FZR1: variants seen among roughly 807,000 people sequenced by gnomAD.
FZR1 encodes fizzy-related protein homolog.
A neutral mutation model predicts 63.6 loss-of-function variants in FZR1; 11 were observed. That is an observed-to-expected ratio of 0.17 (90% CI 0.11 to 0.29). The LOEUF is 0.29. Among genes scored for constraint, FZR1 ranks in the 10% least tolerant of loss-of-function variants. FZR1 has a pLI of 1.00. For missense variants in FZR1, 440 were observed against 687.5 expected, an observed-to-expected ratio of 0.64 and a Z score of 4.03; for synonymous variants, 328 against 297.9, an observed-to-expected ratio of 1.10 and a Z score of -1.04.
intron 1 of FZR1, among the ~76,000 whole-genome samples, chr19:3,510,432 C>A (rs962008796): frequency 6.6e-6 from 1 of 152,238 alleles, no homozygotes; most frequent in African/African-American, 2.4e-5. Flanking sequence ...GCATGCCCGG[C>A]CACACTGCTG....
chr19:3,531,155 A>G (rs779978381), intron 8 of FZR1, among the ~76,000 whole-genome samples: 4 of 151,996 alleles, frequency 2.6e-5, no homozygotes, highest in Non-Finnish European at 4.4e-5. Context: ...TCCATTTTCC[A>G]CTCAGGGTCG....
chr19:3,512,179 C>T (rs2083029083), intron 1 of FZR1, among the ~76,000 whole-genome samples: 1 of 152,198 alleles, frequency 6.6e-6, no homozygotes, highest in Non-Finnish European at 1.5e-5. Flanking sequence ...TGCCCAAGGA[C>T]GAAGGAGCAG....
In FZR1 at chr19:3,529,702, G is replaced by GGATGGGAGAGCA. The variant is rs1257397255; in HGVS notation, c.655-1079_655-1078insAGATGGGAGAGC. Among the ~76,000 whole-genome samples the GGATGGGAGAGCA allele has an allele frequency of 2.3e-3, 310 of 136,844 alleles. 7 individuals carry two copies. The highest frequency in any genetic ancestry group is 7.6e-3 in the African/African-American group (294 of 38,698). The allele number at this position is 136,844 out of a possible 152,430, so 89.8% of individuals were successfully genotyped here. ...TGGTTGAGGGAGTGGATGGTTGAGC[G>GGATGGGAGAGCA]GATGGGAGAGCGGATGGGAGAGTGG... On this transcript the variant is annotated intron_variant, in intron 7 of 13. Coordinates refer to ENST00000441788, the MANE Select transcript of FZR1 (RefSeq NM_016263.4).
In FZR1 at chr19:3,525,101, C is replaced by T. The variant is rs891383756; in HGVS notation, c.70-767C>T. ...CAGCAGGAGATGGGGATGAGGGCCA[C>T]ACTCCCAGGTGGCTCTGGGTACAGC... On this transcript the variant is annotated intron_variant, in intron 2 of 13. Coordinates refer to ENST00000441788, the MANE Select transcript of FZR1 (RefSeq NM_016263.4). The surrounding 1 kb of genome is among the most constrained non-coding windows in gnomAD (Gnocchi z 4.2). Among the ~76,000 whole-genome samples the T allele has an allele frequency of 9.2e-5, 14 of 152,186 alleles. No homozygotes were observed. Among genetic ancestry groups the T allele is most frequent in the African/African-American group, 3.4e-4 (14 of 41,446 alleles).
In FZR1 at chr19:3,514,228, C is replaced by G. The variant is rs1312980240; in HGVS notation, c.-35+7754C>G. Among the ~76,000 whole-genome samples, 1 of 152,226 alleles carries G rather than the reference C, an allele frequency of 6.6e-6. No individual in the cohort carries two copies. Among genetic ancestry groups the G allele is most frequent in the Non-Finnish European group, 1.5e-5 (1 of 68,032 alleles). ...GTGCCATTGGCCCCCACAAACAGTG[C>G]CTCATCGGCTCCCTTTCCTCCTCTC... On this transcript the variant is annotated intron_variant, in intron 1 of 13. Coordinates refer to ENST00000441788, the MANE Select transcript of FZR1 (RefSeq NM_016263.4). This position sits in a 1 kb window ranked among gnomAD's most constrained non-coding sequence, Gnocchi z 4.2.
intron 2 of FZR1, among the ~76,000 whole-genome samples, chr19:3,523,722 G>A (rs1408577814): frequency 6.6e-6 from 1 of 152,208 alleles, no homozygotes; most frequent in Admixed American, 6.5e-5. Context: ...CCATTGTCCC[G>A]AGTCCCTCCC....
chr19:3,522,353 C>G (rs1181375408), intron 1 of FZR1, among the ~76,000 whole-genome samples: 1 of 152,210 alleles, frequency 6.6e-6, no homozygotes, highest in East Asian at 1.9e-4. Flanking sequence ...GAGGGGCCTT[C>G]CTGGTTTGGC....
chr19:3,530,776 T>G lies in FZR1; in HGVS notation c.655-16T>G. On this transcript the variant is annotated splice_polypyrimidine_tract_variant and intron_variant, in intron 7 of 13. Coordinates refer to ENST00000441788, the MANE Select transcript of FZR1 (RefSeq NM_016263.4). ...TCGAGACCAGCGGCAAAGCTCACACTGACCTCTGCCTCCAGGTGACGCGGC... is the reference window on the plus strand; with the variant it reads ...TCGAGACCAGCGGCAAAGCTCACACGGACCTCTGCCTCCAGGTGACGCGGC... 1 of 1,609,484 alleles carries G rather than the reference T, an allele frequency of 6.2e-7. No homozygotes were observed. Among genetic ancestry groups the G allele is most frequent in the South Asian group, 1.1e-5 (1 of 90,686 alleles).
At chr19:3,532,192 CGGGG>C in intron 10 of FZR1, 97 bp downstream of exon 10, 1 of 1,187,722 alleles carries the variant, frequency 8.4e-7, no homozygotes, top group Non-Finnish European at 1.1e-6. Context: ...GGCGCGGGCG[CGGGG>C]CCCACTCCAC....
At chr19:3,523,869 C>T (rs902349406) in intron 2 of FZR1, among the ~76,000 whole-genome samples, 6 of 152,200 alleles carry the variant, frequency 3.9e-5, no homozygotes, top group African/African-American at 1.2e-4. Context: ...ACCTTCAAGG[C>T]TTTGTTCAGC....
At chr19:3,507,930 G>A (rs1053916511) in intron 1 of FZR1, among the ~76,000 whole-genome samples, 7 of 152,254 alleles carry the variant, frequency 4.6e-5, no homozygotes, top group African/African-American at 1.2e-4. Context: ...CTTGAGCAGC[G>A]AGCGGAGTTG....
intron 1 of FZR1, among the ~76,000 whole-genome samples, chr19:3,511,711 C>T (rs11672955): frequency 0.15 from 23,152 of 152,086 alleles, 1,884 homozygotes; most frequent in Middle Eastern, 0.22. Flanking sequence ...GAATGAATGA[C>T]GTGCACGGGG....
rs2083051357 is a variant in FZR1 at position 3,515,356 on chromosome 19, C to T, written c.-34-7600C>T. Reference sequence around the variant, plus strand: ...TCTAACCTTTTACGATGAAACCTTCCGAGCATCCAGCAAAGGAGGGAGAAT... The same window carrying T: ...TCTAACCTTTTACGATGAAACCTTCTGAGCATCCAGCAAAGGAGGGAGAAT... On this transcript the variant is annotated intron_variant, in intron 1 of 13. Transcript: ENST00000441788. This position sits in a 1 kb window ranked among gnomAD's most constrained non-coding sequence, Gnocchi z 4.6. Among the ~76,000 whole-genome samples the T allele has an allele frequency of 6.6e-6, 1 of 152,312 alleles. No homozygotes were observed. The highest frequency in any genetic ancestry group is 2.1e-4 in the South Asian group (1 of 4,826).
chr19:3,507,667 T>A (rs72974802), intron 1 of FZR1, among the ~76,000 whole-genome samples: 1,569 of 152,134 alleles, frequency 0.01, 8 homozygotes, highest in Non-Finnish European at 0.015. Flanking sequence ...ACCACCAGCA[T>A]GAGGGCAGCC....
Position 3,526,102 on chromosome 19 carries a change from C to T in FZR1, c.196-18C>T. ...AGCGGGCTCCTCGACCCCTCCCTCT[C>T]TGCTCTCCTGCCTGCAGGAGAATGA... is the stretch of plus-strand genomic sequence containing the variant. On this transcript the variant is annotated intron_variant, in intron 3 of 13. Transcript: ENST00000441788. This position sits in a 1 kb window ranked among gnomAD's most constrained non-coding sequence, Gnocchi z 5.4. 6.2e-7 allele frequency: 1 copy of T among 1,612,572 alleles called. No homozygotes were observed. Among genetic ancestry groups the T allele is most frequent in the South Asian group, 1.1e-5 (1 of 91,088 alleles).
In FZR1 at chr19:3,532,103, C is replaced by CG; in HGVS notation, c.1008+9dup. 4.0e-6 allele frequency: 6 copies of CG among 1,494,724 alleles called. No individual in the cohort carries two copies. The highest frequency in any genetic ancestry group is 5.3e-6 in the Non-Finnish European group (6 of 1,122,606). 92.6% of individuals were successfully genotyped at this position (1,494,724 alleles called of 1,614,324 possible). A position where few individuals can be genotyped will look rare whatever the true frequency, so the allele number is the denominator to read the frequency against. ...GGGGGCAACGACAACAAGGTACCCC[C>CG]GCCCAGAGCCTGGGCTTCCCCTTCA... On this transcript the variant is annotated intron_variant, in intron 10 of 13. Coordinates refer to ENST00000441788, the MANE Select transcript of FZR1 (RefSeq NM_016263.4).
chr19:3,517,856 CT>C (rs763347330), intron 1 of FZR1, among the ~76,000 whole-genome samples: 5,663 of 136,918 alleles, frequency 0.041, 344 homozygotes, highest in African/African-American at 0.13. Flanking sequence ...AAACAAAGTT[CT>C]TTTTTTTTTT....
At position 3,531,775 on chromosome 19, in the gene FZR1, GGAA is replaced by G; in HGVS notation, c.787_789del (p.Lys263del). On this transcript the variant is annotated inframe_deletion, in exon 9 of 14. Transcript: ENST00000441788. ...GTGCAGATCTGGGACGCAGCCGCAG[GGAA>G]GAAGCTGTCCATGTTGGAGGGCCAC... 1 of 1,550,210 alleles carries G rather than the reference GGAA, an allele frequency of 6.5e-7. No individual in the cohort carries two copies.
rs561881190 is a variant in FZR1 at position 3,527,366 on chromosome 19, G to A, written c.471-265G>A. ...GCCTGGCAGTGTTGGCCTCAGACAA[G>A]GGGCAGGGTAGTCAGGAAGGGCTGC... On this transcript the variant is annotated intron_variant, in intron 6 of 13. Transcript: ENST00000441788. Among the ~76,000 whole-genome samples, 6 of 152,340 alleles carry A rather than the reference G, an allele frequency of 3.9e-5. No individual in the cohort carries two copies. The South Asian group carries it at 1.2e-3, about 32-fold the overall frequency.
Sources: gnomAD v4.1 joint callset for allele counts (sites outside exome capture counted in the v4.1 genomes callset) on GRCh38, gnomAD v4.1.1 for gene constraint, Gnocchi (gnomAD v3.1) non-coding constraint, MANE v1.5 for transcripts, NCBI Gene and HGNC (gene_info 2026-07-23, HGNC 2026-07-21) for gene names.